The following LRRIQ4 variants were observed in gnomAD, a reference collection of about 807,000 sequenced individuals.
LRRIQ4 encodes the protein leucine rich repeats and IQ motif containing 4, also known as leucine-rich repeat and IQ domain-containing protein 4.
In LRRIQ4, 21 loss-of-function variants were observed where a neutral mutation model predicts 40.1. The observed-to-expected ratio is 0.52, with a 90% CI of 0.37 to 0.75. LRRIQ4 has a LOEUF of 0.75. Among genes scored for constraint, LRRIQ4 ranks in the 30% least tolerant of loss-of-function variants. LRRIQ4 has a pLI of 0.00. For missense variants in LRRIQ4, 655 were observed against 660.0 expected (o/e 0.99, Z 0.08); for synonymous variants, 277 against 277.1 (o/e 1.00, Z 0.00).
chr3:169,827,933 G>C (rs1450321835), intron 2 of LRRIQ4, among the ~76,000 whole-genome samples: 9 of 152,040 alleles, frequency 5.9e-5, no homozygotes, highest in Non-Finnish European at 1.3e-4. Flanking sequence ...CACAAGCCTG[G>C]GTATTCACTG....
intron 3 of LRRIQ4, 92 bp from the exon 4 acceptor site, chr3:169,830,400 A>G (rs1780138357): frequency 1.9e-6 from 1 of 514,104 alleles, no homozygotes; most frequent in African/African-American, 2.1e-5. Flanking sequence ...AAAAAAAAAA[A>G]AAAAAAAAAT....
In LRRIQ4 at chr3:169,827,501, G is replaced by A. The variant is rs190064834; in HGVS notation, c.1021-1258G>A. On this transcript the variant is annotated intron_variant, in intron 2 of 5. Transcript: ENST00000340806. ...GGGCGCCTGTAGTCCCAGCTACTCGGGAGGCTGAGGCAGGAGAATGGCGTG... is the reference window on the plus strand; with the variant it reads ...GGGCGCCTGTAGTCCCAGCTACTCGAGAGGCTGAGGCAGGAGAATGGCGTG... 1.4e-3 allele frequency among the ~76,000 whole-genome samples: 207 copies of A among 151,860 alleles called. 2 individuals carry two copies. The highest frequency in any genetic ancestry group is 4.7e-3 in the African/African-American group (193 of 41,414).
rs1437973201 is a variant in LRRIQ4, at chr3:169,837,658, T to C, written c.*27T>C. On this transcript the variant is annotated 3_prime_UTR_variant, in exon 6 of 6. Coordinates refer to ENST00000340806, the MANE Select transcript of LRRIQ4 (RefSeq NM_001080460.3). The stretch of plus-strand genomic sequence containing the variant: ...CCTGTAAATTGATAAATTGGGGTAA[T>C]GGACCTTGATAGATTAAGAAGACAA... The C allele has an allele frequency of 1.3e-6, 2 of 1,520,562 alleles. No individual in the cohort carries two copies. The highest frequency in any genetic ancestry group is 1.8e-6 in the Non-Finnish European group (2 of 1,135,424). The allele number at this position is 1,520,562 out of a possible 1,614,324, so 94.2% of individuals were successfully genotyped here.
At chr3:169,820,063 A>G (rs1202188702) in intron 1 of LRRIQ4, among the ~76,000 whole-genome samples, 1 of 152,200 alleles carries the variant, frequency 6.6e-6, no homozygotes, top group Non-Finnish European at 1.5e-5. Flanking sequence ...TTGTGTTTTG[A>G]GGAATAGCAG....
At chr3:169,816,802 C>T (rs1779780053) in intron 1 of LRRIQ4, among the ~76,000 whole-genome samples, 1 of 151,804 alleles carries the variant, frequency 6.6e-6, no homozygotes, top group Non-Finnish European at 1.5e-5. Context: ...TCCTGAGTAG[C>T]TGGGATTACA....
At chr3:169,833,530 A>C (rs1383387917) in intron 5 of LRRIQ4, among the ~76,000 whole-genome samples, 1 of 152,230 alleles carries the variant, frequency 6.6e-6, no homozygotes, top group East Asian at 1.9e-4. Context: ...TTAGAAAATT[A>C]GAAATGAAAG....
chr3:169,829,492 T>G (rs1330508637), intron 3 of LRRIQ4, among the ~76,000 whole-genome samples: 2 of 150,612 alleles, frequency 1.3e-5, no homozygotes, highest in African/African-American at 2.4e-5. Flanking sequence ...AAAGAACTGT[T>G]TTTTTTTTTT....
At chr3:169,821,555 A>G (rs1196043429) in intron 1 of LRRIQ4, among the ~76,000 whole-genome samples, 1 of 152,114 alleles carries the variant, frequency 6.6e-6, no homozygotes, top group Non-Finnish European at 1.5e-5. Flanking sequence ...GAATCGAATC[A>G]CTTGAGCCCA....
Position 169,822,242 on chromosome 3 carries a change from C to T in LRRIQ4, c.321C>T (p.Phe107=). Residue 107 remains phenylalanine, a synonymous_variant, in exon 2 of 6, where the codon TTC becomes TTT. Transcript: ENST00000340806. Reference sequence around the variant, plus strand: ...TGGACCTGAGCTACAACCCCATCTTCTCCTCCTCCCTTGTCGTTGTCAGCT... The same window carrying T: ...TGGACCTGAGCTACAACCCCATCTTTTCCTCCTCCCTTGTCGTTGTCAGCT... ...ESLDLSYNPI[F]SSSLVVVSFL... 2 of 1,606,276 alleles carry T rather than the reference C, an allele frequency of 1.2e-6. No individual in the cohort carries two copies. The highest frequency in any genetic ancestry group is 1.7e-6 in the Non-Finnish European group (2 of 1,176,968).
chr3:169,827,000 TTCTCCAACTGTA>T (rs1432039612), intron 2 of LRRIQ4, among the ~76,000 whole-genome samples: 2 of 152,188 alleles, frequency 1.3e-5, no homozygotes, highest in African/African-American at 2.4e-5. Context: ...AACTTTCTTT[TTCTCCAACTGTA>T]AGTGACCCAT....
intron 4 of LRRIQ4, among the ~76,000 whole-genome samples, chr3:169,832,137 T>C (rs1254099402): frequency 6.6e-6 from 1 of 151,952 alleles, no homozygotes; most frequent in Non-Finnish European, 1.5e-5. Context: ...CTGTCTCTAA[T>C]ATTTATGGAC....
intron 1 of LRRIQ4, among the ~76,000 whole-genome samples, chr3:169,817,989 AC>A (rs1170347742): frequency 2.0e-5 from 3 of 151,872 alleles, no homozygotes; most frequent in African/African-American, 7.3e-5. Flanking sequence ...TTTATTTAGA[AC>A]CCCCAGAGCA....
chr3:169,824,213 G>C (rs1779989182), intron 2 of LRRIQ4, among the ~76,000 whole-genome samples: 1 of 152,024 alleles, frequency 6.6e-6, no homozygotes, highest in African/African-American at 2.4e-5. Flanking sequence ...AAGAGAGAAG[G>C]AAGTCAACAA....
At chr3:169,834,941 G>A (rs1780272742) in intron 5 of LRRIQ4, among the ~76,000 whole-genome samples, 1 of 151,858 alleles carries the variant, frequency 6.6e-6, no homozygotes, top group Non-Finnish European at 1.5e-5. Flanking sequence ...TAGACATATA[G>A]GATTTTTTAG....
At position 169,825,400 on chromosome 3, in the gene LRRIQ4, T is replaced by C. The variant is rs528142663; in HGVS notation, c.1020+2459T>C. 2.6e-5 allele frequency among the ~76,000 whole-genome samples: 4 copies of C among 152,312 alleles called. No homozygotes were observed. The East Asian group carries it at 5.8e-4, about 22-fold the overall frequency. Reference sequence around the variant, plus strand: ...AGCTGCCTTTCAGGAAGTAAACATTTTGATGGTAACTTGTAGATTTAGGTC... The same window carrying C: ...AGCTGCCTTTCAGGAAGTAAACATTCTGATGGTAACTTGTAGATTTAGGTC... On this transcript the variant is annotated intron_variant, in intron 2 of 5. Transcript: ENST00000340806.
In LRRIQ4 at chr3:169,813,004, C is replaced by G. The variant is rs552505181; in HGVS notation, c.-74C>G. The G allele has an allele frequency of 6.3e-4, 101 of 159,214 alleles. 2 individuals carry two copies. In the South Asian group the frequency reaches 0.018, roughly 29 times the overall value. The allele number at this position is 159,214 out of a possible 1,614,324, so 9.9% of individuals were successfully genotyped here. Reference sequence around the variant, plus strand: ...TGACATCTGGATGGTCCGAAGGAGGCTGCCAGAGGACAGAATGCTTGGTGC... The same window carrying G: ...TGACATCTGGATGGTCCGAAGGAGGGTGCCAGAGGACAGAATGCTTGGTGC... On this transcript the variant is annotated 5_prime_UTR_variant, in exon 1 of 6. Coordinates refer to ENST00000340806, the MANE Select transcript of LRRIQ4 (RefSeq NM_001080460.3).
intron 4 of LRRIQ4, among the ~76,000 whole-genome samples, chr3:169,832,027 C>A (rs1216319468): frequency 6.6e-6 from 1 of 151,336 alleles, no homozygotes; most frequent in East Asian, 1.9e-4. Flanking sequence ...GGGTTGTATG[C>A]AGTAATCCTT....
intron 4 of LRRIQ4, among the ~76,000 whole-genome samples, chr3:169,830,834 TAAGTC>T: frequency 6.6e-6 from 1 of 152,332 alleles, no homozygotes; most frequent in South Asian, 2.1e-4. Flanking sequence ...CAAAGGCAGT[TAAGTC>T]ATTTATTAAA....
In LRRIQ4 at chr3:169,819,245, A is replaced by G. The variant is rs1779824324; in HGVS notation, c.-31-2646A>G. Among the ~76,000 whole-genome samples, 3 of 152,172 alleles carry G rather than the reference A, an allele frequency of 2.0e-5. No individual in the cohort carries two copies. In the South Asian group the frequency reaches 6.2e-4, roughly 31 times the overall value. ...AAGCTATTGCAAATCTGGGTTTTAC[A>G]ATCTCCTTTTATTAAATCCACAAAT... On this transcript the variant is annotated intron_variant, in intron 1 of 5. Coordinates refer to ENST00000340806, the MANE Select transcript of LRRIQ4 (RefSeq NM_001080460.3).
Sources: gnomAD v4.1 joint callset for allele counts (sites outside exome capture counted in the v4.1 genomes callset) on GRCh38, gnomAD v4.1.1 for gene constraint, MANE v1.5 for transcripts, NCBI Gene and HGNC (gene_info 2026-07-23, HGNC 2026-07-21) for gene names.